Variants in MIPOL1 observed in about 807,000 individuals in gnomAD.
The protein encoded by MIPOL1 is mirror-image polydactyly 1.
Under a neutral mutation model 60.9 loss-of-function variants are expected in MIPOL1, and 57 were observed. That is an observed-to-expected ratio of 0.94 (90% CI 0.76 to 1.17). The LOEUF is 1.17. Among genes scored for constraint, MIPOL1 ranks in the 50% most tolerant of loss-of-function variants. The pLI, the probability that MIPOL1 is intolerant of heterozygous loss-of-function variation, is 0.00. For synonymous variants in MIPOL1, 179 were observed against 168.8 expected (o/e 1.06, Z -0.47); for missense variants, 551 against 511.6 (o/e 1.08, Z -0.74).
chr14:37,304,131 C>A (rs988927471), intron 7 of MIPOL1, among the ~76,000 whole-genome samples: 11 of 151,766 alleles, frequency 7.2e-5, no homozygotes, highest in African/African-American at 1.7e-4. Context: ...ATCGAGTATA[C>A]GATAAAATTA....
In MIPOL1 at chr14:37,546,902, T is replaced by G. The variant is rs1283583155; in HGVS notation, c.1263-3T>G. The G allele has an allele frequency of 6.2e-7, 1 of 1,613,084 alleles. No individual in the cohort carries two copies. The highest frequency in any genetic ancestry group is 1.1e-5 in the South Asian group (1 of 90,988). ...TCTCACCCCCATCCCAACCCCAACT[T>G]AGGTTGGAAAGGCTGGTGGATGTAC... On this transcript the variant is annotated splice_polypyrimidine_tract_variant and splice_region_variant and intron_variant, in intron 12 of 12. Transcript: ENST00000684589.
intron 11 of MIPOL1, among the ~76,000 whole-genome samples, chr14:37,431,569 C>G (rs201411529): frequency 1.5e-5 from 1 of 64,832 alleles, no homozygotes; most frequent in Non-Finnish European, 2.6e-5. Context: ...ATCTCTGTTT[C>G]TTTTTTTTTT....
chr14:37,462,598 G>T (rs1466365997), intron 11 of MIPOL1, among the ~76,000 whole-genome samples: 1 of 152,158 alleles, frequency 6.6e-6, no homozygotes, highest in African/African-American at 2.4e-5. Context: ...TTCTGAAACT[G>T]AATGCCTTTA....
intron 9 of MIPOL1, among the ~76,000 whole-genome samples, chr14:37,363,617 A>G (rs916129009): frequency 3.3e-5 from 5 of 152,192 alleles, no homozygotes; most frequent in African/African-American, 1.2e-4. Context: ...CAGTCTGTCC[A>G]TTCTCAAAGC....
chr14:37,326,450 G>T (rs1248047983), intron 9 of MIPOL1, among the ~76,000 whole-genome samples: 1 of 152,040 alleles, frequency 6.6e-6, no homozygotes, highest in East Asian at 1.9e-4. Flanking sequence ...AGGGAAGGCA[G>T]ATCCATATCC....
chr14:37,240,041 G>T (rs1433139305), intron 1 of MIPOL1, among the ~76,000 whole-genome samples: 1 of 152,166 alleles, frequency 6.6e-6, no homozygotes, highest in East Asian at 1.9e-4. Context: ...GTTTCTTTGA[G>T]ACATGTCTTA....
intron 11 of MIPOL1, among the ~76,000 whole-genome samples, chr14:37,480,590 A>G (rs1183559106): frequency 4.6e-5 from 7 of 152,146 alleles, no homozygotes; most frequent in African/African-American, 1.4e-4. Context: ...AGAAGCCCAC[A>G]GCTAACATTA....
At chr14:37,369,823 A>C (rs1425878137) in intron 10 of MIPOL1, 199 bp downstream of exon 10, 9 of 316,646 alleles carry the variant, frequency 2.8e-5, no homozygotes, top group Non-Finnish European at 4.6e-5. Flanking sequence ...TGAAAACAAC[A>C]CATTTTCTGA....
At chr14:37,229,776 T>C (rs1007655969) in intron 1 of MIPOL1, among the ~76,000 whole-genome samples, 1 of 152,192 alleles carries the variant, frequency 6.6e-6, no homozygotes, top group Non-Finnish European at 1.5e-5. Context: ...ACTCAAAGTT[T>C]AGTTACATTA....
intron 11 of MIPOL1, among the ~76,000 whole-genome samples, chr14:37,467,755 A>G (rs2094618682): frequency 6.6e-6 from 1 of 152,158 alleles, no homozygotes; most frequent in African/African-American, 2.4e-5. Context: ...TAAAACCTCT[A>G]TAAGGTTAGA....
At chr14:37,347,218 ATGAAAG>A (rs1190924533) in intron 9 of MIPOL1, among the ~76,000 whole-genome samples, 5 of 152,200 alleles carry the variant, frequency 3.3e-5, no homozygotes, top group African/African-American at 1.2e-4. Context: ...ACAGCAAAAT[ATGAAAG>A]CATATACCAT....
At chr14:37,274,512 G>A (rs1054720777) in intron 6 of MIPOL1, among the ~76,000 whole-genome samples, 4 of 151,370 alleles carry the variant, frequency 2.6e-5, no homozygotes, top group Admixed American at 2.6e-4. Context: ...GACTCATTAT[G>A]TTCTAGGCAC....
chr14:37,346,951 A>G (rs1279883963), intron 9 of MIPOL1, among the ~76,000 whole-genome samples: 1 of 152,208 alleles, frequency 6.6e-6, no homozygotes, highest in African/African-American at 2.4e-5. Flanking sequence ...ATATGGGAGT[A>G]TAGTGAACAC....
At chr14:37,417,583 A>G (rs563895777) in intron 10 of MIPOL1, among the ~76,000 whole-genome samples, 7 of 152,272 alleles carry the variant, frequency 4.6e-5, no homozygotes, top group South Asian at 2.1e-4. Context: ...GGGTATCGTT[A>G]CACAAGTTAC....
intron 11 of MIPOL1, among the ~76,000 whole-genome samples, chr14:37,497,840 A>T (rs1202268905): frequency 6.6e-6 from 1 of 152,228 alleles, no homozygotes; most frequent in Non-Finnish European, 1.5e-5. Flanking sequence ...AAATTGGTAC[A>T]ACTAATTTGG....
chr14:37,295,216 T>G (rs2085520128), intron 7 of MIPOL1, among the ~76,000 whole-genome samples: 1 of 152,056 alleles, frequency 6.6e-6, no homozygotes. Flanking sequence ...GCTTCATAAG[T>G]GAAGGAGAAA....
At chr14:37,471,628 C>A (rs764263018) in intron 11 of MIPOL1, among the ~76,000 whole-genome samples, 6 of 152,018 alleles carry the variant, frequency 3.9e-5, no homozygotes, top group Non-Finnish European at 8.8e-5. Flanking sequence ...TGATAAAGAC[C>A]AAAATATTCT....
At chr14:37,325,798 G>A (rs1399762397) in intron 9 of MIPOL1, among the ~76,000 whole-genome samples, 1 of 152,082 alleles carries the variant, frequency 6.6e-6, no homozygotes, top group East Asian at 1.9e-4. Flanking sequence ...ATTGGATAGT[G>A]GCAACCCAGT....
At chr14:37,297,655 C>T (rs530299276) in intron 7 of MIPOL1, among the ~76,000 whole-genome samples, 6 of 151,976 alleles carry the variant, frequency 3.9e-5, no homozygotes, top group African/African-American at 1.5e-4. Flanking sequence ...TTCTTATACA[C>T]CAATAACAGA....
Sources: gnomAD v4.1 joint callset for allele counts (sites outside exome capture counted in the v4.1 genomes callset) on GRCh38, gnomAD v4.1.1 for gene constraint, MANE v1.5 for transcripts, NCBI Gene and HGNC (gene_info 2026-07-23, HGNC 2026-07-21) for gene names.